TNNI3K: variants seen among roughly 807,000 people sequenced by gnomAD.
TNNI3K encodes serine/threonine-protein kinase TNNI3K.
TNNI3K carries 140 observed loss-of-function variants against 114.5 expected under a neutral mutation model. The ratio of observed to expected loss-of-function variants is 1.22; its 90% CI spans 1.07 to 1.41. The LOEUF (loss-of-function observed/expected upper bound fraction) is 1.41, where lower values mean the gene tolerates loss of function less well. Ranked by LOEUF, TNNI3K falls within the 40% of genes most tolerant of loss-of-function variation. The pLI is 0.00. For synonymous variants in TNNI3K, 347 were observed against 347.5 expected, an observed-to-expected ratio of 1.00 and a Z score of 0.02; for missense variants, 1,125 against 1,007.6, an observed-to-expected ratio of 1.12 and a Z score of -1.58.
chr1:74,540,897 G>T lies in TNNI3K; in HGVS notation c.2431+584G>T, dbSNP rs114697202. Among the ~76,000 whole-genome samples, 666 of 152,274 alleles carry T rather than the reference G, an allele frequency of 4.4e-3. 2 individuals are homozygous for T. Among genetic ancestry groups the T allele is most frequent in the Non-Finnish European group, 6.9e-3 (470 of 68,010 alleles). On this transcript the variant is annotated intron_variant, in intron 24 of 24. Transcript: ENST00000326637. ...GACTTCTTCAGAAAGAATTAATAAA[G>T]CTCTTTGAAATAATTAACAAAGTTT... is the stretch of plus-strand genomic sequence containing the variant.
chr1:74,467,433 A>G (rs1279308156), intron 21 of TNNI3K, among the ~76,000 whole-genome samples: 1 of 152,008 alleles, frequency 6.6e-6, no homozygotes, highest in Non-Finnish European at 1.5e-5. Flanking sequence ...ATAAACTAGA[A>G]CATTGAGGAG....
At chr1:74,485,265 A>G (rs1267247717) in intron 21 of TNNI3K, among the ~76,000 whole-genome samples, 1 of 152,224 alleles carries the variant, frequency 6.6e-6, no homozygotes, top group African/African-American at 2.4e-5. Context: ...TTCCATGGGC[A>G]GAGAATAAGC....
At chr1:74,267,885 A>T (rs1656099078) in intron 4 of TNNI3K, among the ~76,000 whole-genome samples, 1 of 151,940 alleles carries the variant, frequency 6.6e-6, no homozygotes, top group Non-Finnish European at 1.5e-5. Flanking sequence ...GAGAAAAAAC[A>T]AAGATACTTG....
chr1:74,464,547 C>T, intron 21 of TNNI3K: 4 of 1,436,432 alleles, frequency 2.8e-6, no homozygotes, highest in Non-Finnish European at 2.7e-6. Flanking sequence ...GCTATTATTT[C>T]AGGAAATATC....
chr1:74,532,144 G>A (rs538927235), intron 23 of TNNI3K, among the ~76,000 whole-genome samples: 1 of 152,336 alleles, frequency 6.6e-6, no homozygotes, highest in African/African-American at 2.4e-5. Context: ...CACAAGATCA[G>A]AGGGTTGAGA....
intron 23 of TNNI3K, among the ~76,000 whole-genome samples, chr1:74,526,821 A>C (rs534867826): frequency 6.6e-6 from 1 of 152,200 alleles, no homozygotes; most frequent in Non-Finnish European, 1.5e-5. Flanking sequence ...GACACTCTAA[A>C]GAAGAGATTG....
At chr1:74,478,892 T>G (rs78864793) in intron 21 of TNNI3K, among the ~76,000 whole-genome samples, 1 of 152,238 alleles carries the variant, frequency 6.6e-6, no homozygotes, top group Admixed American at 6.5e-5. Flanking sequence ...ATACAATTAC[T>G]GACATAGTTA....
chr1:74,453,047 A>G (rs1216009238), intron 20 of TNNI3K, among the ~76,000 whole-genome samples: 1 of 152,152 alleles, frequency 6.6e-6, no homozygotes, highest in Non-Finnish European at 1.5e-5. Context: ...ACCATTTATC[A>G]TTGCATTTAT....
intron 2 of TNNI3K, among the ~76,000 whole-genome samples, chr1:74,245,254 C>T (rs1316345621): frequency 6.6e-6 from 1 of 152,180 alleles, no homozygotes; most frequent in Non-Finnish European, 1.5e-5. Context: ...GGTCAGATTT[C>T]ACAGATAAAG....
intron 4 of TNNI3K, among the ~76,000 whole-genome samples, chr1:74,259,443 A>T (rs1655534798): frequency 6.6e-6 from 1 of 152,230 alleles, no homozygotes; most frequent in South Asian, 2.1e-4. Context: ...AGATTAGATG[A>T]TGCCCACCCA....
rs528513767 is a variant in TNNI3K at position 74,359,397 on chromosome 1, A to G, written c.1177+5268A>G. On this transcript the variant is annotated intron_variant, in intron 11 of 24. Transcript: ENST00000326637. ...TGGTCTTTCCTAATTTATAACATGT[A>G]CAGTTAGAAATTTTAATATATTAGG... Among the ~76,000 whole-genome samples the G allele has an allele frequency of 2.0e-5, 3 of 152,012 alleles. No homozygotes were observed. In the South Asian group the frequency reaches 6.2e-4, roughly 31 times the overall value.
chr1:74,274,342 G>T (rs1329063469), intron 5 of TNNI3K, among the ~76,000 whole-genome samples: 1 of 151,932 alleles, frequency 6.6e-6, no homozygotes, highest in Non-Finnish European at 1.5e-5. Flanking sequence ...AGGCAGAGAT[G>T]AAAGAAAATC....
chr1:74,277,770 G>A (rs987431766), intron 5 of TNNI3K, among the ~76,000 whole-genome samples: 2 of 152,306 alleles, frequency 1.3e-5, no homozygotes, highest in African/African-American at 4.8e-5. Flanking sequence ...ATGTATAGAG[G>A]TTGTGGAGTG....
intron 23 of TNNI3K, among the ~76,000 whole-genome samples, chr1:74,497,500 C>T (rs989345679): frequency 3.3e-5 from 5 of 152,024 alleles, no homozygotes; most frequent in African/African-American, 9.7e-5. Flanking sequence ...AACATTGCTT[C>T]CTCTTTCCAT....
intron 2 of TNNI3K, among the ~76,000 whole-genome samples, chr1:74,238,864 A>G (rs1654021325): frequency 2.6e-5 from 4 of 152,014 alleles, no homozygotes; most frequent in Admixed American, 2.6e-4. Context: ...ATGTTAATGG[A>G]GATGGAGACT....
chr1:74,365,710 G>A (rs1662233320), intron 11 of TNNI3K, among the ~76,000 whole-genome samples: 1 of 151,974 alleles, frequency 6.6e-6, no homozygotes, highest in Admixed American at 6.6e-5. Flanking sequence ...TAGTTTGTTG[G>A]CTAATGTCCT....
chr1:74,451,655 C>T (rs74860953), intron 20 of TNNI3K, among the ~76,000 whole-genome samples: 2,060 of 59,106 alleles, frequency 0.035, 88 homozygotes, highest in African/African-American at 0.1. Context: ...TCTTTCCTTT[C>T]TTTTTTCTTT....
At chr1:74,282,497 A>G (rs1480307232) in intron 5 of TNNI3K, among the ~76,000 whole-genome samples, 3 of 151,672 alleles carry the variant, frequency 2.0e-5, no homozygotes, top group African/African-American at 7.3e-5. Flanking sequence ...TCTTTTTATG[A>G]GGTCACTTGT....
chr1:74,487,067 T>C (rs1557600041), intron 21 of TNNI3K, among the ~76,000 whole-genome samples: 1 of 152,204 alleles, frequency 6.6e-6, no homozygotes, highest in African/African-American at 2.4e-5. Flanking sequence ...ACAATTTTGC[T>C]GTAAAGTAAA....
Sources: gnomAD v4.1 joint callset for allele counts (sites outside exome capture counted in the v4.1 genomes callset) on GRCh38, gnomAD v4.1.1 for gene constraint, MANE v1.5 for transcripts, NCBI Gene and HGNC (gene_info 2026-07-23, HGNC 2026-07-21) for gene names.